The following MEI1 variants were observed in gnomAD, a reference collection of about 807,000 sequenced individuals.
MEI1 encodes the protein meiotic double-stranded break formation protein 1.
MEI1 carries 103 observed loss-of-function variants against 146.2 expected under a neutral mutation model. The ratio of observed to expected loss-of-function variants is 0.70; its 90% confidence interval spans 0.60 to 0.83. The LOEUF is 0.83. Ranked by LOEUF, MEI1 falls within the 40% of genes least tolerant of loss-of-function variation. MEI1 has a pLI of 0.00. For synonymous variants in MEI1, 652 were observed against 628.2 expected, an observed-to-expected ratio of 1.04 and a Z score of -0.57; for missense variants, 1,529 against 1,533.0, an observed-to-expected ratio of 1.00 and a Z score of 0.04.
chr22:41,794,953 A>G (rs2076310091), intron 28 of MEI1, among the ~76,000 whole-genome samples: 1 of 152,240 alleles, frequency 6.6e-6, no homozygotes, highest in African/African-American at 2.4e-5. Context: ...CAACAAGTAC[A>G]TCAGTGGTTG....
At chr22:41,771,581 G>A (rs2075184016) in intron 20 of MEI1, among the ~76,000 whole-genome samples, 1 of 149,222 alleles carries the variant, frequency 6.7e-6, no homozygotes, top group African/African-American at 2.5e-5. Flanking sequence ...GACTACAGGT[G>A]CACGCCACCA....
intron 14 of MEI1, among the ~76,000 whole-genome samples, chr22:41,746,851 T>G (rs904487819): frequency 3.3e-5 from 5 of 152,146 alleles, no homozygotes; most frequent in Non-Finnish European, 2.9e-5. Context: ...TCAGGAACCC[T>G]GGACTGTGGC....
intron 11 of MEI1, among the ~76,000 whole-genome samples, chr22:41,737,654 G>A (rs2072497210): frequency 6.6e-6 from 1 of 151,962 alleles, no homozygotes; most frequent in Admixed American, 6.6e-5. Context: ...CAATTTTTCT[G>A]CCTCAGCCTC....
At chr22:41,781,895 A>G (rs45500192) in intron 24 of MEI1, 50 bp downstream of exon 24, 303,854 of 1,597,668 alleles carry the variant, frequency 0.19, 34,055 homozygotes, top group Admixed American at 0.48. Context: ...CACTCAAAGG[A>G]GTGTTGAAGA....
chr22:41,718,222 C>T lies in MEI1; in HGVS notation c.681C>T (p.Phe227=). 1 of 1,613,970 alleles carries T rather than the reference C, an allele frequency of 6.2e-7. No homozygotes were observed. Among genetic ancestry groups the T allele is most frequent in the Non-Finnish European group, 8.5e-7 (1 of 1,179,868 alleles). The change falls in exon 6 of 31, where the codon TTC becomes TTT. Residue 227 remains phenylalanine, a synonymous_variant. Coordinates refer to ENST00000401548, the MANE Select transcript of MEI1 (RefSeq NM_152513.4). ...GHFREKLFPL[F]LSILDGAQTK... ...TCCGTGAGAAGCTTTTTCCCCTCTT[C>T]CTTTCCATCCTGGATGGTGCCCAGA... is the stretch of plus-strand genomic sequence containing the variant.
Position 41,705,498 on chromosome 22 carries a change from T to C in MEI1, c.299-6T>C. 1 of 1,613,546 alleles carries C rather than the reference T, an allele frequency of 6.2e-7. No homozygotes were observed. Among genetic ancestry groups the C allele is most frequent in the Non-Finnish European group, 8.5e-7 (1 of 1,179,650 alleles). ...CCACCCCTTTCTTACCTCCCTCTGC[T>C]CCAAGGACTATTATGCAGCATGGAA... On this transcript the variant is annotated splice_polypyrimidine_tract_variant and splice_region_variant and intron_variant, in intron 2 of 30. Coordinates refer to ENST00000401548, the MANE Select transcript of MEI1 (RefSeq NM_152513.4).
rs868558381 is a variant in MEI1 at position 41,717,544 on chromosome 22, C to T, written c.530-527C>T. ...ACCTGCTGGTCTCAAGTGATCCTCCCACCTTGGCCTCCCAAAGTGCTGAGA... is the reference window on the plus strand; with the variant it reads ...ACCTGCTGGTCTCAAGTGATCCTCCTACCTTGGCCTCCCAAAGTGCTGAGA... On this transcript the variant is annotated intron_variant, in intron 5 of 30. Transcript: ENST00000401548. 2.0e-5 allele frequency among the ~76,000 whole-genome samples: 3 copies of T among 152,170 alleles called. No homozygotes were observed. In the South Asian group the frequency reaches 6.2e-4, roughly 32 times the overall value.
In MEI1 at chr22:41,752,441, G is replaced by A. The variant is rs182643467; in HGVS notation, c.1793-150G>A. 1,502 of 677,478 alleles carry A rather than the reference G, an allele frequency of 2.2e-3. 26 individuals carry two copies. The highest frequency in any genetic ancestry group is 0.02 in the Middle Eastern group (80 of 4,028). 42.0% of individuals were successfully genotyped at this position (677,478 alleles called of 1,614,324 possible). On this transcript the variant is annotated intron_variant, in intron 15 of 30. Transcript: ENST00000401548. Reference sequence around the variant, plus strand: ...CTCAGAGAAGTTAAAAAACTTTTCCGGAGTGAAACTACTAGACAGTGGTGG... The same window carrying A: ...CTCAGAGAAGTTAAAAAACTTTTCCAGAGTGAAACTACTAGACAGTGGTGG...
intron 7 of MEI1, among the ~76,000 whole-genome samples, chr22:41,727,319 C>T (rs1166365102): frequency 6.6e-6 from 1 of 152,188 alleles, no homozygotes; most frequent in African/African-American, 2.4e-5. Context: ...TTCTATGATA[C>T]TTAAAATCTG....
At chr22:41,779,152 C>A (rs1011731219) in intron 22 of MEI1, among the ~76,000 whole-genome samples, 1 of 151,818 alleles carries the variant, frequency 6.6e-6, no homozygotes, top group Non-Finnish European at 1.5e-5. Context: ...TAGCAAGATC[C>A]TGCCTCTACA....
At chr22:41,777,244 G>A (rs191783376) in intron 21 of MEI1, among the ~76,000 whole-genome samples, 93 of 149,550 alleles carry the variant, frequency 6.2e-4, no homozygotes, top group African/African-American at 2.1e-3. Flanking sequence ...CAACCTTCAC[G>A]TCCTGGGTTC....
At chr22:41,731,510 A>T (rs1432260794) in intron 9 of MEI1, among the ~76,000 whole-genome samples, 1 of 112,254 alleles carries the variant, frequency 8.9e-6, no homozygotes, top group Non-Finnish European at 2.2e-5. Context: ...GACTGCCAGC[A>T]CACCTGGCTA....
intron 24 of MEI1, among the ~76,000 whole-genome samples, chr22:41,782,602 A>G (rs1039698330): frequency 3.3e-5 from 5 of 152,180 alleles, no homozygotes; most frequent in Admixed American, 6.5e-5. Context: ...TACTGTGCCA[A>G]TCTAGTGATG....
intron 3 of MEI1, chr22:41,709,557 G>A (rs1356399237): frequency 1.2e-5 from 6 of 519,228 alleles, no homozygotes; most frequent in South Asian, 4.7e-5. Flanking sequence ...GGCTTTGGTC[G>A]GTCCAGGGGT....
chr22:41,752,705 A>G, intron 16 of MEI1, 54 bp downstream of exon 16: 2 of 1,449,734 alleles, frequency 1.4e-6, no homozygotes, highest in Non-Finnish European at 1.9e-6. Context: ...GTCCCTCTTG[A>G]TGGGACAAGT....
At chr22:41,705,622 T>C (rs2069029211) in intron 3 of MEI1, 68 bp downstream of exon 3, 1 of 1,412,832 alleles carries the variant, frequency 7.1e-7, no homozygotes, top group Non-Finnish European at 1.0e-6. Flanking sequence ...CTCTGGTTAC[T>C]TGAGACCTTG....
intron 26 of MEI1, among the ~76,000 whole-genome samples, chr22:41,786,826 C>T (rs1464755809): frequency 6.6e-6 from 1 of 152,236 alleles, no homozygotes; most frequent in African/African-American, 2.4e-5. Flanking sequence ...AGCATGTCTA[C>T]CTCCAAGGGG....
At position 41,770,688 on chromosome 22, in the gene MEI1, T is replaced by C. The variant is rs1190680239; in HGVS notation, c.2271T>C (p.Thr757=). ...TCCTTTCTTTGTTTTGCCTCCAGAC[T>C]ATGGTCAGTGCAATCAGAAAATTCC... is the stretch of plus-strand genomic sequence containing the variant. The part of the protein sequence containing the change: ...CQDKDNTLRE[T]MVSAIRKFLE... The change falls in exon 20 of 31, where the codon ACT becomes ACC. Residue 757 remains threonine (T), a splice_region_variant and synonymous_variant. Transcript: ENST00000401548. 7 of 1,613,400 alleles carry C rather than the reference T, an allele frequency of 4.3e-6. No individual in the cohort carries two copies. Among genetic ancestry groups the C allele is most frequent in the Non-Finnish European group, 5.9e-6 (7 of 1,179,622 alleles).
chr22:41,716,621 C>T (rs569572419), intron 5 of MEI1, among the ~76,000 whole-genome samples: 3 of 151,628 alleles, frequency 2.0e-5, no homozygotes, highest in Non-Finnish European at 2.9e-5. Flanking sequence ...GGTGATCCGC[C>T]TGCCTCAGCC....
Sources: gnomAD v4.1 joint callset for allele counts (sites outside exome capture counted in the v4.1 genomes callset) on GRCh38, gnomAD v4.1.1 for gene constraint, MANE v1.5 for transcripts, NCBI Gene and HGNC (gene_info 2026-07-23, HGNC 2026-07-21) for gene names.